The following IAH1 variants were observed in gnomAD, a reference collection of about 807,000 sequenced individuals.
IAH1 encodes isoamyl acetate-hydrolyzing esterase 1 homolog.
Under a neutral mutation model 26.7 loss-of-function variants are expected in IAH1, and 24 were observed. The ratio of observed to expected loss-of-function variants is 0.90; its 90% CI spans 0.65 to 1.26. The LOEUF (loss-of-function observed/expected upper bound fraction) is 1.26. Ranked by LOEUF, IAH1 falls within the 50% of genes most tolerant of loss-of-function variation. IAH1 has a pLI of 0.00. For synonymous variants in IAH1, 140 were observed against 118.5 expected (o/e 1.18, Z -1.18); for missense variants, 300 against 299.9 (o/e 1.00, Z 0.00).
At chr2:9,502,078 A>G in the IAH1 span, 1 of 1,077,444 alleles carries the variant, frequency 9.3e-7, no homozygotes, top group Non-Finnish European at 1.4e-6. Flanking sequence ...ATTAAAAATA[A>G]GGTGTCTCTC....
At chr2:9,483,682 C>G (rs1661311307) in intron 4 of IAH1, among the ~76,000 whole-genome samples, 1 of 152,132 alleles carries the variant, frequency 6.6e-6, no homozygotes, top group African/African-American at 2.4e-5. Flanking sequence ...GCCCCACCTT[C>G]CAAACCAACC....
chr2:9,484,563 G>C lies in IAH1; in HGVS notation c.564+13G>C. 6.4e-7 allele frequency: 1 copy of C among 1,561,546 alleles called. No individual in the cohort carries two copies. Among genetic ancestry groups the C allele is most frequent in the Non-Finnish European group, 8.8e-7 (1 of 1,133,516 alleles). On this transcript the variant is annotated intron_variant, in intron 5 of 5. Coordinates refer to ENST00000497473, the MANE Select transcript of IAH1 (RefSeq NM_001039613.3). ...GCAGGACAGCCAGGTACGGTGGCTT[G>C]CTCGGTCCTCTCGGGGTAAATAGGA...
intron 1 of IAH1, chr2:9,475,294 C>T (rs1202422189): frequency 4.1e-6 from 4 of 968,948 alleles, no homozygotes; most frequent in Admixed American, 2.3e-5. Context: ...CTTCACCAGG[C>T]TTTTGTGTAT....
chr2:9,476,672 A>AG (rs902780502), intron 2 of IAH1, among the ~76,000 whole-genome samples: 41 of 152,274 alleles, frequency 2.7e-4, no homozygotes, highest in African/African-American at 9.4e-4. Flanking sequence ...TAGCAGGGGA[A>AG]GGGGGTCACA....
At chr2:9,476,122 A>G in intron 2 of IAH1, 83 bp downstream of exon 2, 4 of 1,184,114 alleles carry the variant, frequency 3.4e-6, no homozygotes, top group Non-Finnish European at 5.0e-6. Flanking sequence ...ATAGTTCTGA[A>G]CAGAACATTC....
In IAH1 at chr2:9,488,517, A is replaced by G; in HGVS notation, c.*188A>G. 1 of 479,804 alleles carries G rather than the reference A, an allele frequency of 2.1e-6. No individual in the cohort carries two copies. The highest frequency in any genetic ancestry group is 3.6e-6 in the Non-Finnish European group (1 of 275,042). 29.7% of individuals were successfully genotyped at this position (479,804 alleles called of 1,614,324 possible). ...TTCGACAGTATTTATTAATGCAGAT[A>G]TCAGTGCTACAGCTATAAAATATAC... On this transcript the variant is annotated 3_prime_UTR_variant, in exon 6 of 6. Transcript: ENST00000497473.
At chr2:9,479,166 A>G (rs891273948) in intron 3 of IAH1, among the ~76,000 whole-genome samples, 4 of 152,232 alleles carry the variant, frequency 2.6e-5, no homozygotes, top group South Asian at 4.1e-4. Context: ...ACTAACCATT[A>G]TATTTGGGAA....
At chr2:9,500,599 C>G (rs1662939521), downstream of IAH1, among the ~76,000 whole-genome samples, 2 of 151,892 alleles carry the variant, frequency 1.3e-5, no homozygotes, top group Admixed American at 1.3e-4. Context: ...AACCAACCAA[C>G]CAAGAGAGAC....
chr2:9,505,224 G>A, the IAH1 span: 2 of 1,614,170 alleles, frequency 1.2e-6, no homozygotes, highest in Non-Finnish European at 1.7e-6. Context: ...TCGTTGTTCA[G>A]ATACATGATG....
chr2:9,493,742 C>T (rs373146660), downstream of IAH1: 2 of 1,612,368 alleles, frequency 1.2e-6, no homozygotes, highest in Non-Finnish European at 8.5e-7. Flanking sequence ...GGGGAAATCA[C>T]CTACCAAAAG....
At chr2:9,512,155 A>T in the IAH1 span, among the ~76,000 whole-genome samples, 1 of 152,144 alleles carries the variant, frequency 6.6e-6, no homozygotes, top group Admixed American at 6.6e-5. Flanking sequence ...GGGAAAAAAA[A>T]CTTAAATTTT....
Position 9,474,700 on chromosome 2 carries a change from TGCCGAGCAG to T in IAH1, c.81+60_81+68del. ...CGCCCCGGCCTCCCTGCGGGGTCGC[TGCCGAGCAG>T]GCCGAGGCTCCTCGCCGTCCTCTTC... is the stretch of plus-strand genomic sequence containing the variant. On this transcript the variant is annotated intron_variant, in intron 1 of 5. Transcript: ENST00000497473. This position sits in a 1 kb window ranked among gnomAD's most constrained non-coding sequence, Gnocchi z 4.3. 7.3e-7 allele frequency: 1 copy of T among 1,367,394 alleles called. No homozygotes were observed. Among genetic ancestry groups the T allele is most frequent in the Non-Finnish European group, 9.9e-7 (1 of 1,006,650 alleles). The allele number at this position is 1,367,394 out of a possible 1,614,324, so 84.7% of individuals were successfully genotyped here.
chr2:9,503,558 C>T, the IAH1 span, among the ~76,000 whole-genome samples: 2 of 152,122 alleles, frequency 1.3e-5, no homozygotes, highest in African/African-American at 2.4e-5. Context: ...ATTCTTTGGG[C>T]AGCCAGGAGC....
At chr2:9,480,019 G>T (rs1187488552) in intron 3 of IAH1, among the ~76,000 whole-genome samples, 4 of 151,844 alleles carry the variant, frequency 2.6e-5, no homozygotes, top group African/African-American at 9.7e-5. Context: ...ATGTTGGTCA[G>T]GCTGGTCTTG....
chr2:9,474,596 G>T lies in IAH1; in HGVS notation c.30G>T (p.Gly10=). The change falls in exon 1 of 6, where the codon GGG becomes GGT. Residue 10 remains glycine, a synonymous_variant. Coordinates refer to ENST00000497473, the MANE Select transcript of IAH1 (RefSeq NM_001039613.3). The surrounding 1 kb of genome is among the most constrained non-coding windows in gnomAD (Gnocchi z 4.3). MALCEAAGC[G]SALLWPRLLL... Reference sequence around the variant, plus strand: ...CGCTGTGCGAGGCCGCGGGCTGCGGGAGTGCCCTGCTCTGGCCTCGCTTGT... The same window carrying T: ...CGCTGTGCGAGGCCGCGGGCTGCGGTAGTGCCCTGCTCTGGCCTCGCTTGT... The T allele has an allele frequency of 6.5e-7, 1 of 1,544,806 alleles. No homozygotes were observed. The highest frequency in any genetic ancestry group is 1.2e-5 in the South Asian group (1 of 84,552).
chr2:9,503,081 G>A, the IAH1 span, among the ~76,000 whole-genome samples: 4 of 148,020 alleles, frequency 2.7e-5, no homozygotes, highest in Non-Finnish European at 4.5e-5. Context: ...CAGAGGTTGC[G>A]GTGAGCCAAG....
chr2:9,510,663 CA>C, the IAH1 span, among the ~76,000 whole-genome samples: 8,289 of 84,792 alleles, frequency 0.098, 720 homozygotes, highest in African/African-American at 0.29. Context: ...GACTTCGTCT[CA>C]AAAAAAAAAA....
At chr2:9,506,357 CTGTT>C in the IAH1 span, among the ~76,000 whole-genome samples, 1 of 126,194 alleles carries the variant, frequency 7.9e-6, no homozygotes, top group Non-Finnish European at 1.7e-5. Context: ...ATCTTCAAAT[CTGTT>C]TTTTTTTTTT....
rs1661150822 is a variant in IAH1, at chr2:9,481,254, A to T, written c.284-32A>T. The T allele has an allele frequency of 1.9e-6, 3 of 1,608,144 alleles. No individual in the cohort carries two copies. In the Admixed American group the frequency reaches 5.0e-5, roughly 27 times the overall value. On this transcript the variant is annotated intron_variant, in intron 3 of 5. Coordinates refer to ENST00000497473, the MANE Select transcript of IAH1 (RefSeq NM_001039613.3). ...GAATTGTCACTTATAATAAATATGC[A>T]TCTGGTGAGGACTCATGTTTCTCTT...
Sources: gnomAD v4.1 joint callset for allele counts (sites outside exome capture counted in the v4.1 genomes callset) on GRCh38, gnomAD v4.1.1 for gene constraint, Gnocchi (gnomAD v3.1) non-coding constraint, MANE v1.5 for transcripts, NCBI Gene and HGNC (gene_info 2026-07-23, HGNC 2026-07-21) for gene names.